ATRNL1: variants seen among roughly 807,000 people sequenced by gnomAD.
ATRNL1 encodes attractin-like protein 1.
ATRNL1 carries 95 observed loss-of-function variants against 182.7 expected under a neutral mutation model. The observed-to-expected ratio is 0.52, with a 90% CI of 0.44 to 0.62. ATRNL1 has a LOEUF of 0.62. ATRNL1 is among the 20% of genes least tolerant of loss of function. The pLI, the probability that ATRNL1 is intolerant of heterozygous loss-of-function variation, is 0.00. For synonymous variants in ATRNL1, 576 were observed against 568.3 expected (o/e 1.01, Z -0.19); for missense variants, 1,471 against 1,679.5 (o/e 0.88, Z 2.17).
intron 26 of ATRNL1, among the ~76,000 whole-genome samples, chr10:115,725,013 G>A (rs1947550119): frequency 6.6e-6 from 1 of 152,110 alleles, no homozygotes; most frequent in Admixed American, 6.5e-5. Context: ...AGGTGACACA[G>A]AATAAATTTA....
chr10:115,174,801 G>A (rs1377544122), intron 8 of ATRNL1, among the ~76,000 whole-genome samples: 1 of 151,926 alleles, frequency 6.6e-6, no homozygotes, highest in Non-Finnish European at 1.5e-5. Flanking sequence ...AAGAGAAAGA[G>A]TATGCTTCTA....
At chr10:115,901,341 G>A (rs1555113501) in intron 28 of ATRNL1, among the ~76,000 whole-genome samples, 1 of 152,032 alleles carries the variant, frequency 6.6e-6, no homozygotes, top group African/African-American at 2.4e-5. Context: ...AAAACTTGAA[G>A]GGAAGTATGA....
At chr10:115,651,925 T>C (rs1352769701) in intron 26 of ATRNL1, among the ~76,000 whole-genome samples, 1 of 152,110 alleles carries the variant, frequency 6.6e-6, no homozygotes, top group Non-Finnish European at 1.5e-5. Flanking sequence ...AGAAAATATA[T>C]GTTAGAATGA....
intron 26 of ATRNL1, among the ~76,000 whole-genome samples, chr10:115,708,847 G>A (rs1946977745): frequency 6.6e-6 from 1 of 151,740 alleles, no homozygotes; most frequent in Non-Finnish European, 1.5e-5. Context: ...CTTCTAACTT[G>A]AATTAAAATA....
intron 26 of ATRNL1, among the ~76,000 whole-genome samples, chr10:115,566,056 T>C (rs914111582): frequency 3.9e-5 from 6 of 152,146 alleles, no homozygotes; most frequent in Non-Finnish European, 8.8e-5. Context: ...CACATAATTG[T>C]TTAAACAATT....
chr10:115,586,939 A>G (rs1452763777), intron 26 of ATRNL1, among the ~76,000 whole-genome samples: 1 of 125,040 alleles, frequency 8.0e-6, no homozygotes, highest in South Asian at 3.1e-4. Flanking sequence ...TTTGGTGTGG[A>G]TGTCCTTTCT....
intron 17 of ATRNL1, among the ~76,000 whole-genome samples, chr10:115,306,777 T>C (rs1486752966): frequency 6.6e-6 from 1 of 152,076 alleles, no homozygotes; most frequent in East Asian, 1.9e-4. Context: ...GCTATTTTTC[T>C]TTTTATAATC....
intron 20 of ATRNL1, among the ~76,000 whole-genome samples, chr10:115,422,150 A>G (rs926846904): frequency 2.6e-5 from 4 of 152,198 alleles, no homozygotes; most frequent in African/African-American, 9.6e-5. Flanking sequence ...TTCATGACGA[A>G]TATGCCAAGA....
intron 28 of ATRNL1, among the ~76,000 whole-genome samples, chr10:115,916,356 G>A (rs1952849680): frequency 6.6e-6 from 1 of 152,194 alleles, no homozygotes; most frequent in Non-Finnish European, 1.5e-5. Context: ...TCTGTCTGCT[G>A]TTCCACACAT....
chr10:115,682,401 G>A (rs971521857), intron 26 of ATRNL1, among the ~76,000 whole-genome samples: 7 of 152,116 alleles, frequency 4.6e-5, no homozygotes, highest in Non-Finnish European at 8.8e-5. Flanking sequence ...AGCTGGCATT[G>A]TGGTGGGTTC....
At chr10:115,369,030 A>G (rs948275891) in intron 19 of ATRNL1, among the ~76,000 whole-genome samples, 5 of 152,102 alleles carry the variant, frequency 3.3e-5, no homozygotes, top group Admixed American at 3.3e-4. Flanking sequence ...TTGAGATTTT[A>G]GATACTGCAT....
intron 23 of ATRNL1, 31 bp from the exon 24 acceptor site, chr10:115,469,141 A>C: frequency 1.2e-6 from 1 of 862,456 alleles, no homozygotes; most frequent in Non-Finnish European, 1.6e-6. Flanking sequence ...ATATTTCCTA[A>C]TATTAATTAT....
chr10:115,390,112 T>C (rs1311507255), intron 19 of ATRNL1, among the ~76,000 whole-genome samples: 1 of 152,172 alleles, frequency 6.6e-6, no homozygotes, highest in Non-Finnish European at 1.5e-5. Context: ...TTACCAGATG[T>C]ATGGGTTGTG....
At chr10:115,523,437 A>G (rs1263273207) in intron 25 of ATRNL1, among the ~76,000 whole-genome samples, 1 of 152,198 alleles carries the variant, frequency 6.6e-6, no homozygotes, top group Non-Finnish European at 1.5e-5. Flanking sequence ...TCTTCTGAAA[A>G]CACTCTTTCC....
rs1854949349 is a variant in ATRNL1 at position 115,327,299 on chromosome 10, A to G, written c.3038-6983A>G. On this transcript the variant is annotated intron_variant, in intron 18 of 28. Coordinates refer to ENST00000355044, the MANE Select transcript of ATRNL1 (RefSeq NM_207303.4). The stretch of plus-strand genomic sequence containing the variant: ...AGGACATGAACAGACACTTCTCAAA[A>G]GAAGACATTTATGCAGCCAAAAAAC... Among the ~76,000 whole-genome samples, 16 of 150,798 alleles carry G rather than the reference A, an allele frequency of 1.1e-4. No homozygotes were observed. The South Asian group carries it at 3.1e-3, about 30-fold the overall frequency.
intron 28 of ATRNL1, among the ~76,000 whole-genome samples, chr10:115,886,644 T>C (rs1163353012): frequency 6.6e-6 from 1 of 152,254 alleles, no homozygotes; most frequent in African/African-American, 2.4e-5. Flanking sequence ...GATTGTATAG[T>C]TGTATAAGAA....
chr10:115,606,285 G>A (rs953488400), intron 26 of ATRNL1, among the ~76,000 whole-genome samples: 3 of 151,636 alleles, frequency 2.0e-5, no homozygotes, highest in Non-Finnish European at 3.0e-5. Flanking sequence ...CACACTCATA[G>A]AAAAAAAATG....
rs140794091 is a variant in ATRNL1 at position 115,857,833 on chromosome 10, G to A, written c.4018+9842G>A. Among the ~76,000 whole-genome samples, 370 of 152,278 alleles carry A rather than the reference G, an allele frequency of 2.4e-3. 3 individuals are homozygous for A. Among genetic ancestry groups the A allele is most frequent in the African/African-American group, 8.1e-3 (338 of 41,558 alleles). ...CTCACATGACAAATCAGGATTCATGGAAATGAAAAATGAGACCACTAGCAC... is the reference window on the plus strand; with the variant it reads ...CTCACATGACAAATCAGGATTCATGAAAATGAAAAATGAGACCACTAGCAC... On this transcript the variant is annotated intron_variant, in intron 28 of 28. Transcript: ENST00000355044.
At chr10:115,805,252 G>A (rs1949893298) in intron 27 of ATRNL1, among the ~76,000 whole-genome samples, 1 of 152,246 alleles carries the variant, frequency 6.6e-6, no homozygotes, top group Middle Eastern at 3.4e-3. Context: ...AGGCCATTCG[G>A]AGGTTATTCT....
Sources: gnomAD v4.1 joint callset for allele counts (sites outside exome capture counted in the v4.1 genomes callset) on GRCh38, gnomAD v4.1.1 for gene constraint, MANE v1.5 for transcripts, NCBI Gene and HGNC (gene_info 2026-07-23, HGNC 2026-07-21) for gene names.